ZFYVE26: variants seen among roughly 807,000 people sequenced by gnomAD.
ZFYVE26 encodes the protein zinc finger FYVE-type containing 26, also known as zinc finger FYVE domain-containing protein 26.
A neutral mutation model predicts 276.5 loss-of-function variants in ZFYVE26; 181 were observed. The ratio of observed to expected loss-of-function variants is 0.65; its 90% CI spans 0.58 to 0.74. The LOEUF (loss-of-function observed/expected upper bound fraction) is 0.74. Ranked by LOEUF, ZFYVE26 falls within the 30% of genes least tolerant of loss-of-function variation. The pLI, the probability that ZFYVE26 is intolerant of heterozygous loss-of-function variation, is 0.00. For synonymous variants in ZFYVE26, 1,129 were observed against 1,203.1 expected, an observed-to-expected ratio of 0.94 and a Z score of 1.27; for missense variants, 2,821 against 3,097.9, an observed-to-expected ratio of 0.91 and a Z score of 2.12.
In ZFYVE26 at chr14:67,789,589, A is replaced by G; in HGVS notation, c.2765T>C (p.Phe922Ser). The G allele has an allele frequency of 6.2e-7, 1 of 1,614,188 alleles. No individual in the cohort carries two copies. Among genetic ancestry groups the G allele is most frequent in the African/African-American group, 1.3e-5 (1 of 75,068 alleles). ...IGSAAAAGMV[F>S]YSISDVTDKL... is the part of the protein sequence containing the mutation. The stretch of plus-strand genomic sequence containing the variant: ...GTCAGTCACGTCAGAGATAGAGTAA[A>G]ACACCATTCCTGGCCGCCCAGCAGA... The change falls in exon 16 of 42, where the codon TTT (phenylalanine) becomes TCT (serine). Residue 922 changes from phenylalanine (F) to serine (S), a missense_variant. Phe to Ser is a radical substitution (Grantham distance 155). Transcript: ENST00000347230.
Position 67,747,812 on chromosome 14 carries a change from C to T in ZFYVE26, c.*624G>A. ...TATTCAGACTACCTTCCAAAGACTC[C>T]AGGACTTCTTGTGCTTGGGAGAAGA... On this transcript the variant is annotated 3_prime_UTR_variant, in exon 42 of 42. Coordinates refer to ENST00000347230, the MANE Select transcript of ZFYVE26 (RefSeq NM_015346.4). 1 of 156,146 alleles carries T rather than the reference C, an allele frequency of 6.4e-6. No homozygotes were observed. Among genetic ancestry groups the T allele is most frequent in the Non-Finnish European group, 1.4e-5 (1 of 70,422 alleles). 9.7% of individuals were successfully genotyped at this position (156,146 alleles called of 1,614,324 possible).
At chr14:67,787,949 G>A (rs777737086) in intron 16 of ZFYVE26, among the ~76,000 whole-genome samples, 7 of 152,142 alleles carry the variant, frequency 4.6e-5, no homozygotes, top group Non-Finnish European at 7.4e-5. Flanking sequence ...CTATGCTTAC[G>A]TACTTTCCCT....
intron 14 of ZFYVE26, 102 bp from the exon 15 acceptor site, chr14:67,790,875 T>C (rs911329633): frequency 2.8e-6 from 3 of 1,082,946 alleles, no homozygotes; most frequent in African/African-American, 3.1e-5. Flanking sequence ...GGCCCTAAGA[T>C]GTCTTTGTGC....
rs772772440 is a variant in ZFYVE26, at chr14:67,806,557, G to A, written c.1005C>T (p.Leu335=). The A allele has an allele frequency of 8.1e-6, 13 of 1,614,056 alleles. No individual in the cohort carries two copies. In the Admixed American group the frequency reaches 8.3e-5, roughly 10 times the overall value. The change falls in exon 6 of 42, where the codon CTC becomes CTT. Residue 335 remains leucine (L), a synonymous_variant. Transcript: ENST00000347230. ...FYCLSNNKHF[L]EQILVTALTL... ...AAGCTTGACTTACCAGAATCTGCTC[G>A]AGGAAGTGTTTGTTGTTGCTCAGGC...
chr14:67,813,974 A>C lies in ZFYVE26; in HGVS notation c.273+12T>G. ...CTGGCCTCGGAGGAAAATTTAATAT[A>C]AACCTACTTACCTTTTCCCGGGCCA... On this transcript the variant is annotated intron_variant, in intron 3 of 41. Coordinates refer to ENST00000347230, the MANE Select transcript of ZFYVE26 (RefSeq NM_015346.4). 6.2e-7 allele frequency: 1 copy of C among 1,607,826 alleles called. No homozygotes were observed. The highest frequency in any genetic ancestry group is 8.5e-7 in the Non-Finnish European group (1 of 1,174,646).
At position 67,729,360 on chromosome 14, in the gene ZFYVE26, C is replaced by G; in HGVS notation, n.3139G>C. 6.3e-7 allele frequency: 1 copy of G among 1,597,902 alleles called. No individual in the cohort carries two copies. Reference sequence around the variant, plus strand: ...GCGCCCTGGCTGAGGGCCTGGAGCCCCTGAGTGGCAAGTACTTCAGGTGTG... The same window carrying G: ...GCGCCCTGGCTGAGGGCCTGGAGCCGCTGAGTGGCAAGTACTTCAGGTGTG... On this transcript the variant is annotated non_coding_transcript_exon_variant, in exon 14 of 15. Coordinates refer to the ZFYVE26 transcript ENST00000394455.
rs559207922 is a variant in ZFYVE26 at position 67,794,251 on chromosome 14, G to A, written c.2333-12C>T. Reference sequence around the variant, plus strand: ...TCTGTCTCGGCCATCTACAGGTATTGGGAAGAAGAGAGAAAGTCAATTATC... The same window carrying A: ...TCTGTCTCGGCCATCTACAGGTATTAGGAAGAAGAGAGAAAGTCAATTATC... On this transcript the variant is annotated splice_polypyrimidine_tract_variant and intron_variant, in intron 12 of 41. Transcript: ENST00000347230. 2.5e-6 allele frequency: 4 copies of A among 1,613,618 alleles called. 1 individual carries two copies. Among genetic ancestry groups the A allele is most frequent in the East Asian group, 2.2e-5 (1 of 44,884 alleles).
chr14:67,759,640 G>A (rs1190035790), intron 35 of ZFYVE26, among the ~76,000 whole-genome samples: 8 of 56,584 alleles, frequency 1.4e-4, no homozygotes, highest in African/African-American at 2.4e-4. Flanking sequence ...AAAAAAAAAA[G>A]TGCATGGTAT....
Position 67,807,397 on chromosome 14 carries a change from C to A in ZFYVE26, c.886+1G>T, listed in dbSNP as rs752618765. The A allele has an allele frequency of 6.2e-7, 1 of 1,614,050 alleles. No homozygotes were observed. Among genetic ancestry groups the A allele is most frequent in the South Asian group, 1.1e-5 (1 of 91,038 alleles). On this transcript the variant is annotated splice_donor_variant, in intron 5 of 41. Coordinates refer to ENST00000347230, the MANE Select transcript of ZFYVE26 (RefSeq NM_015346.4). LOFTEE classifies it high-confidence loss of function. ...AAGGAGCAGCAGCAAAGGGAACACA[C>A]CTTTTCCCGAGGCTGTAGCCCTCGG...
intron 9 of ZFYVE26, among the ~76,000 whole-genome samples, chr14:67,803,489 G>A (rs149170628): frequency 0.033 from 5,056 of 151,998 alleles, 194 homozygotes; most frequent in African/African-American, 0.087. Flanking sequence ...TTACAGGCGC[G>A]CACCACCACA....
chr14:67,813,186 G>A (rs1594942749), intron 3 of ZFYVE26, among the ~76,000 whole-genome samples: 2 of 152,166 alleles, frequency 1.3e-5, no homozygotes, highest in African/African-American at 4.8e-5. Context: ...AGTAGAATTT[G>A]TGGTTTCTTA....
intron 35 of ZFYVE26, 193 bp downstream of exon 35, chr14:67,761,173 A>G (rs2038917860): frequency 2.9e-6 from 2 of 701,632 alleles, no homozygotes; most frequent in Non-Finnish European, 5.2e-6. Flanking sequence ...TTTGGGATCT[A>G]GGCTAAGACT....
chr14:67,765,349 G>A (rs1023439762), intron 32 of ZFYVE26, among the ~76,000 whole-genome samples: 6 of 151,898 alleles, frequency 4.0e-5, no homozygotes, highest in Admixed American at 1.3e-4. Flanking sequence ...TTTTATCCTC[G>A]TAACAGCCCC....
intron 26 of ZFYVE26, 130 bp downstream of exon 26, chr14:67,775,730 G>A: frequency 7.7e-7 from 1 of 1,301,932 alleles, no homozygotes; most frequent in Non-Finnish European, 1.1e-6. Context: ...TAAAGAGATA[G>A]CTCTTCTGAA....
chr14:67,786,222 C>T lies in ZFYVE26; in HGVS notation c.3031G>A (p.Asp1011Asn). Residue 1011 changes from aspartate to asparagine, a missense_variant, in exon 17 of 42, where the codon GAC becomes AAC. Transcript: ENST00000347230. The stretch of plus-strand genomic sequence containing the variant: ...CCATCAGCATTTAGGAGTACGTGGT[C>T]TATCCGTCGACCTGGAAATAGATGA... Reference protein sequence around the residue: ...SSLERRGRRIDHVLLNADGIR... With the variant: ...SSLERRGRRINHVLLNADGIR... The T allele has an allele frequency of 6.3e-7, 1 of 1,574,830 alleles. No homozygotes were observed. Among genetic ancestry groups the T allele is most frequent in the Non-Finnish European group, 8.6e-7 (1 of 1,157,026 alleles).
chr14:67,794,368 C>T (rs2039900308), intron 12 of ZFYVE26, 129 bp from the exon 13 acceptor site: 1 of 914,604 alleles, frequency 1.1e-6, no homozygotes, highest in South Asian at 1.3e-5. Context: ...ATGACACCTG[C>T]TGCTCCTTCT....
chr14:67,741,919 C>G (rs1311493701), downstream of ZFYVE26, among the ~76,000 whole-genome samples: 1 of 152,246 alleles, frequency 6.6e-6, no homozygotes, highest in East Asian at 1.9e-4. Flanking sequence ...ACATCCTACT[C>G]TAGCCACAAC....
At chr14:67,813,959 A>G (rs1194471355) in intron 3 of ZFYVE26, 27 bp downstream of exon 3, 4 of 1,565,338 alleles carry the variant, frequency 2.6e-6, no homozygotes, top group Admixed American at 3.4e-5. Flanking sequence ...CTGGCCTCGG[A>G]GGAAAATTTA....
chr14:67,733,151 A>C (rs554361503), intron 13 of ZFYVE26, among the ~76,000 whole-genome samples: 3 of 152,088 alleles, frequency 2.0e-5, no homozygotes, highest in East Asian at 1.9e-4. Context: ...ACAAAAAAAA[A>C]CATGATGAGA....
Sources: gnomAD v4.1 joint callset for allele counts (sites outside exome capture counted in the v4.1 genomes callset) on GRCh38, gnomAD v4.1.1 for gene constraint, MANE v1.5 for transcripts, NCBI Gene and HGNC (gene_info 2026-07-23, HGNC 2026-07-21) for gene names.